The following LARGE1 variants were observed in gnomAD, a reference collection of about 807,000 sequenced individuals.
LARGE1 encodes the protein xylosyl- and glucuronyltransferase LARGE1.
A neutral mutation model predicts 87.6 loss-of-function variants in LARGE1; 43 were observed. The ratio of observed to expected loss-of-function variants is 0.49; its 90% confidence interval spans 0.38 to 0.63. The LOEUF is 0.63. LARGE1 is among the 30% of genes least tolerant of loss of function. The pLI, the probability that LARGE1 is intolerant of heterozygous loss-of-function variation, is 0.00. For synonymous variants in LARGE1, 434 were observed against 394.6 expected, an observed-to-expected ratio of 1.10 and a Z score of -1.18; for missense variants, 802 against 1,000.2, an observed-to-expected ratio of 0.80 and a Z score of 2.67.
chr22:33,637,213 C>A (rs1374190754), intron 3 of LARGE1, among the ~76,000 whole-genome samples: 1 of 152,220 alleles, frequency 6.6e-6, no homozygotes, highest in Non-Finnish European at 1.5e-5. Flanking sequence ...CTTGACTCAT[C>A]ATCTGGGCTG....
chr22:33,251,363 G>A (rs1927003731), intron 11 of LARGE1, among the ~76,000 whole-genome samples: 1 of 152,140 alleles, frequency 6.6e-6, no homozygotes, highest in African/African-American at 2.4e-5. Flanking sequence ...TTGTTTATCT[G>A]ATTTGTGATT....
At chr22:33,128,693 A>AG in the LARGE1 span, among the ~76,000 whole-genome samples, 7 of 136,630 alleles carry the variant, frequency 5.1e-5, no homozygotes, top group African/African-American at 1.9e-4. Flanking sequence ...AAAAAAAAAA[A>AG]AAAAGAAAAA....
At chr22:33,458,225 G>T (rs1462734077) in intron 6 of LARGE1, among the ~76,000 whole-genome samples, 1 of 146,368 alleles carries the variant, frequency 6.8e-6, no homozygotes, top group African/African-American at 2.5e-5. Flanking sequence ...TCCTGCCTCA[G>T]CCTCCCAGTA....
At chr22:33,835,251 T>C (rs768342994) in intron 1 of LARGE1, among the ~76,000 whole-genome samples, 3 of 152,226 alleles carry the variant, frequency 2.0e-5, no homozygotes, top group Non-Finnish European at 2.9e-5. Flanking sequence ...GTGGCATTTT[T>C]AAGTGTCCTG....
chr22:33,194,441 A>G (rs1409448882), intron 11 of LARGE1, among the ~76,000 whole-genome samples: 3 of 152,174 alleles, frequency 2.0e-5, no homozygotes, highest in Non-Finnish European at 4.4e-5. Flanking sequence ...TCATTTTCCT[A>G]TCCCATCAAT....
chr22:33,918,638 G>A (rs1392937034), intron 1 of LARGE1, among the ~76,000 whole-genome samples: 1 of 152,152 alleles, frequency 6.6e-6, no homozygotes, highest in Non-Finnish European at 1.5e-5. Context: ...ACCCATTTGT[G>A]AGGGATGGGA....
chr22:33,765,275 C>A (rs2084865217), intron 1 of LARGE1, among the ~76,000 whole-genome samples: 1 of 152,098 alleles, frequency 6.6e-6, no homozygotes, highest in Admixed American at 6.6e-5. Context: ...GAACTCTTGC[C>A]AGAGGGTGTT....
intron 7 of LARGE1, among the ~76,000 whole-genome samples, chr22:33,389,007 CTG>C (rs1228881833): frequency 2.6e-5 from 4 of 152,222 alleles, no homozygotes; most frequent in Non-Finnish European, 5.9e-5. Flanking sequence ...ACTGCAAACA[CTG>C]AGATCATGCA....
intron 9 of LARGE1, among the ~76,000 whole-genome samples, chr22:33,338,493 G>T (rs78908244): frequency 0.054 from 8,179 of 152,074 alleles, 432 homozygotes; most frequent in African/African-American, 0.15. Flanking sequence ...TCAGCTCTAG[G>T]GTAGTGCTTC....
chr22:33,410,635 A>G (rs2066276157), intron 7 of LARGE1, among the ~76,000 whole-genome samples: 1 of 152,032 alleles, frequency 6.6e-6, no homozygotes, highest in Non-Finnish European at 1.5e-5. Context: ...GAGTCAGTTA[A>G]TCCTCTTTCC....
the LARGE1 span, among the ~76,000 whole-genome samples, chr22:33,071,031 A>T: frequency 9.9e-3 from 1,507 of 152,284 alleles, 24 homozygotes; most frequent in African/African-American, 0.033. Flanking sequence ...TAAAAAAAAT[A>T]AAAAAAGCCA....
Position 33,352,751 on chromosome 22 carries a change from G to C in LARGE1, c.1132-14950C>G, listed in dbSNP as rs987913867. Among the ~76,000 whole-genome samples, 7 of 152,242 alleles carry C rather than the reference G, an allele frequency of 4.6e-5. No homozygotes were observed. The South Asian group carries it at 1.5e-3, about 32-fold the overall frequency. ...CACTCCAGCCTGGGCGACAGAGCAA[G>C]ACTCCATTCCCCGACCCCCACCAAA... On this transcript the variant is annotated intron_variant, in intron 9 of 14. Coordinates refer to ENST00000397394, the MANE Select transcript of LARGE1 (RefSeq NM_133642.5).
intron 6 of LARGE1, among the ~76,000 whole-genome samples, chr22:33,545,987 G>A (rs1428876021): frequency 6.6e-6 from 1 of 152,154 alleles, no homozygotes; most frequent in Non-Finnish European, 1.5e-5. Flanking sequence ...TATTGACATG[G>A]CTTCCTAATT....
intron 2 of LARGE1, among the ~76,000 whole-genome samples, chr22:33,759,505 C>A (rs1484997880): frequency 6.6e-6 from 1 of 152,092 alleles, no homozygotes; most frequent in Admixed American, 6.5e-5. Flanking sequence ...GCACCTGGCA[C>A]AAAGAATCAT....
chr22:33,904,394 TC>T (rs1217591820), intron 1 of LARGE1, among the ~76,000 whole-genome samples: 1 of 152,168 alleles, frequency 6.6e-6, no homozygotes, highest in South Asian at 2.1e-4. Context: ...GACCTCGTGG[TC>T]CCCCCGCCTC....
rs1459904070 is a variant in LARGE1 at position 33,809,730 on chromosome 22, A to T, written c.-82-48172T>A. ...GAAAATATTATTTCAACATATCATC[A>T]ATATAAAAATAACCAATGAGATATT... On this transcript the variant is annotated intron_variant, in intron 1 of 14. Coordinates refer to ENST00000397394, the MANE Select transcript of LARGE1 (RefSeq NM_133642.5). 2.0e-5 allele frequency among the ~76,000 whole-genome samples: 3 copies of T among 152,208 alleles called. No homozygotes were observed. In the East Asian group the frequency reaches 5.8e-4, roughly 29 times the overall value.
chr22:33,561,566 C>T (rs1046423775), intron 6 of LARGE1, among the ~76,000 whole-genome samples: 2 of 152,210 alleles, frequency 1.3e-5, no homozygotes, highest in East Asian at 1.9e-4. Context: ...GGTGTAGCTA[C>T]GGGCTCACCA....
At chr22:33,466,680 C>T (rs2068625730) in intron 6 of LARGE1, among the ~76,000 whole-genome samples, 1 of 140,294 alleles carries the variant, frequency 7.1e-6, no homozygotes, top group Non-Finnish European at 1.5e-5. Flanking sequence ...CTCATTCACC[C>T]CCTCTCTCTC....
intron 11 of LARGE1, among the ~76,000 whole-genome samples, chr22:33,211,579 C>G (rs990950092): frequency 3.3e-5 from 5 of 151,922 alleles, no homozygotes; most frequent in Non-Finnish European, 7.4e-5. Context: ...CGAGACCAGC[C>G]TGGCTAACAT....
Sources: gnomAD v4.1 joint callset for allele counts (sites outside exome capture counted in the v4.1 genomes callset) on GRCh38, gnomAD v4.1.1 for gene constraint, MANE v1.5 for transcripts, NCBI Gene and HGNC (gene_info 2026-07-23, HGNC 2026-07-21) for gene names.